Variants in ACOX3 observed in about 807,000 individuals in gnomAD.
ACOX3 encodes the protein peroxisomal acyl-coenzyme A oxidase 3.
Under a neutral mutation model 81.5 loss-of-function variants are expected in ACOX3, and 73 were observed. That is an observed-to-expected ratio of 0.90 (90% CI 0.74 to 1.09). The LOEUF is 1.09. Ranked by LOEUF, ACOX3 falls within the 50% of genes least tolerant of loss-of-function variation. ACOX3 has a pLI of 0.00. For synonymous variants in ACOX3, 387 were observed against 375.1 expected (o/e 1.03, Z -0.37); for missense variants, 947 against 928.0 (o/e 1.02, Z -0.27).
intron 13 of ACOX3, among the ~76,000 whole-genome samples, chr4:8,388,141 C>T (rs939446950): frequency 3.3e-5 from 5 of 152,134 alleles, no homozygotes; most frequent in Non-Finnish European, 5.9e-5. Flanking sequence ...ACCCGTCCAT[C>T]GGGGGTCCCC....
In ACOX3 at chr4:8,430,158, T is replaced by C. The variant is rs774704635; in HGVS notation, c.-15+10490A>G. Among the ~76,000 whole-genome samples the C allele has an allele frequency of 2.0e-5, 3 of 152,272 alleles. No homozygotes were observed. Among genetic ancestry groups the C allele is most frequent in the African/African-American group, 7.2e-5 (3 of 41,476 alleles). ...CCTTGATTCCATGGCAACATTTTTC[T>C]TCACAGTTATTACTGTTATTTAAAC... is the stretch of plus-strand genomic sequence containing the variant. On this transcript the variant is annotated intron_variant, in intron 1 of 17. Transcript: ENST00000356406. The surrounding 1 kb of genome is among the most constrained non-coding windows in gnomAD (Gnocchi z 5.2).
At chr4:8,413,024 G>T (rs1721903994) in intron 5 of ACOX3, among the ~76,000 whole-genome samples, 1 of 142,938 alleles carries the variant, frequency 7.0e-6, no homozygotes, top group Non-Finnish European at 1.5e-5. Flanking sequence ...CCACAGCACT[G>T]ACAGCCCCAG....
chr4:8,399,439 A>G lies in ACOX3; in HGVS notation c.873+117T>C, dbSNP rs575063886. The G allele has an allele frequency of 5.5e-5, 47 of 857,618 alleles. No individual in the cohort carries two copies. The South Asian group carries it at 7.5e-4, about 14-fold the overall frequency. The allele number at this position is 857,618 out of a possible 1,614,324, so 53.1% of individuals were successfully genotyped here. A position where few individuals can be genotyped will look rare whatever the true frequency, so the allele number is the denominator to read the frequency against. On this transcript the variant is annotated intron_variant, in intron 8 of 17. Coordinates refer to ENST00000356406, the MANE Select transcript of ACOX3 (RefSeq NM_003501.3). The surrounding 1 kb of genome is among the most constrained non-coding windows in gnomAD (Gnocchi z 4.9). ...GAGCCAGGAGAAGTATGCCCCAGCG[A>G]CACCTGGCCTACGTGGAGGGGTCTC...
rs761997445 is a variant in ACOX3, at chr4:8,415,802, G to C, written c.342C>G (p.Asp114Glu). The C allele has an allele frequency of 1.2e-6, 2 of 1,614,122 alleles. No homozygotes were observed. Among genetic ancestry groups the C allele is most frequent in the Non-Finnish European group, 1.7e-6 (2 of 1,180,022 alleles). Reference protein sequence around the residue: ...PALIQCLGMYDSSLAAKYLLH... With the variant: ...PALIQCLGMYESSLAAKYLLH... ...GGAGGTACTTGGCAGCCAGAGAAGA[G>C]TCATACATGCCCAGGCACTGAATCA... Residue 114 changes from aspartate (D) to glutamate (E), a missense_variant, in exon 3 of 18, where the codon GAC becomes GAG. Asp to Glu is a conservative substitution (Grantham distance 45). Coordinates refer to ENST00000356406, the MANE Select transcript of ACOX3 (RefSeq NM_003501.3).
intron 1 of ACOX3, among the ~76,000 whole-genome samples, chr4:8,421,791 T>C (rs1722976233): frequency 6.6e-6 from 1 of 152,186 alleles, no homozygotes; most frequent in South Asian, 2.1e-4. Context: ...TGGGAAGTTA[T>C]GTGGGACCTA....
chr4:8,379,618 C>G (rs57209413), intron 14 of ACOX3, among the ~76,000 whole-genome samples: 7,476 of 152,138 alleles, frequency 0.049, 591 homozygotes, highest in African/African-American at 0.17. Flanking sequence ...GTTGTGGGGT[C>G]ACACATGCCA....
intron 1 of ACOX3, among the ~76,000 whole-genome samples, chr4:8,427,099 CT>C (rs1723563605): frequency 6.6e-6 from 1 of 152,180 alleles, no homozygotes; most frequent in Non-Finnish European, 1.5e-5. Flanking sequence ...CCACACCCAC[CT>C]TTAAACATGG....
Position 8,373,864 on chromosome 4 carries a change from G to A in ACOX3, c.1829-236C>T, listed in dbSNP as rs942986926. ...TTGATGGTCTCTGGCCCGCGGCAGC[G>A]AGGGAGGCAAGGTCCCAGGCTCAGA... On this transcript the variant is annotated intron_variant, in intron 15 of 17. Coordinates refer to ENST00000356406, the MANE Select transcript of ACOX3 (RefSeq NM_003501.3). The A allele has an allele frequency of 2.6e-5, 15 of 575,678 alleles. No individual in the cohort carries two copies. The East Asian group carries it at 2.6e-4, about 10-fold the overall frequency. The allele number at this position is 575,678 out of a possible 1,614,324, so 35.7% of individuals were successfully genotyped here.
At chr4:8,421,532 TG>T (rs1282876275) in intron 1 of ACOX3, among the ~76,000 whole-genome samples, 2 of 152,246 alleles carry the variant, frequency 1.3e-5, no homozygotes, top group Non-Finnish European at 2.9e-5. Flanking sequence ...CCATACCTCC[TG>T]GGTCCTAACC....
Position 8,392,362 on chromosome 4 carries a change from T to G in ACOX3, c.1271A>C (p.Glu424Ala), listed in dbSNP as rs1225942711. 1.2e-6 allele frequency: 2 copies of G among 1,605,876 alleles called. No individual in the cohort carries two copies. Among genetic ancestry groups the G allele is most frequent in the Non-Finnish European group, 1.7e-6 (2 of 1,177,108 alleles). The change falls in exon 11 of 18, where the codon GAG (glutamate) becomes GCG (alanine). Residue 424 changes from glutamate (E) to alanine (A), a missense_variant. Transcript: ENST00000356406. ...TTQQGIQECR[E>A]ACGGHGYLAM... is the part of the protein sequence containing the mutation. The stretch of plus-strand genomic sequence containing the variant: ...CAGATAGCCGTGTCCTCCACACGCC[T>G]CCCGGCATTCCTGAATTCCTTGCTG...
At position 8,437,726 on chromosome 4, in the gene ACOX3, G is replaced by C. The variant is rs920279053; in HGVS notation, c.-15+2922C>G. The stretch of plus-strand genomic sequence containing the variant: ...TGAGATGAAAAAAGAAAGGACACTA[G>C]AAGGGTGAATGTTCAGAAGGCAATA... On this transcript the variant is annotated intron_variant, in intron 1 of 17. Transcript: ENST00000356406. This position sits in a 1 kb window ranked among gnomAD's most constrained non-coding sequence, Gnocchi z 5.2. Among the ~76,000 whole-genome samples, 1 of 152,252 alleles carries C rather than the reference G, an allele frequency of 6.6e-6. No homozygotes were observed. The highest frequency in any genetic ancestry group is 1.9e-4 in the East Asian group (1 of 5,190).
intron 5 of ACOX3, 28 bp from the exon 6 acceptor site, chr4:8,410,383 A>C: frequency 6.2e-7 from 1 of 1,609,766 alleles, no homozygotes; most frequent in Non-Finnish European, 8.5e-7. Flanking sequence ...TAGGTTAGTT[A>C]TAATTAGCAA....
intron 14 of ACOX3, among the ~76,000 whole-genome samples, chr4:8,379,114 C>A (rs781420178): frequency 1.3e-5 from 2 of 152,208 alleles, no homozygotes; most frequent in African/African-American, 2.4e-5. Context: ...GTGTGTCTTC[C>A]GATTTTGTTT....
rs1720105550 is a variant in ACOX3, at chr4:8,399,450, A to G, written c.873+106T>C. 1.0e-6 allele frequency: 1 copy of G among 975,782 alleles called. No individual in the cohort carries two copies. The highest frequency in any genetic ancestry group is 1.6e-6 in the Non-Finnish European group (1 of 636,412). 60.4% of individuals were successfully genotyped at this position (975,782 alleles called of 1,614,324 possible). Reference sequence around the variant, plus strand: ...AGTATGCCCCAGCGACACCTGGCCTACGTGGAGGGGTCTCCTTTCCAGGTG... The same window carrying G: ...AGTATGCCCCAGCGACACCTGGCCTGCGTGGAGGGGTCTCCTTTCCAGGTG... On this transcript the variant is annotated intron_variant, in intron 8 of 17. Transcript: ENST00000356406. The surrounding 1 kb of genome is among the most constrained non-coding windows in gnomAD (Gnocchi z 4.9).
rs1226748657 is a variant in ACOX3, at chr4:8,386,700, C to T, written c.1537+2473G>A. Among the ~76,000 whole-genome samples the T allele has an allele frequency of 3.3e-5, 5 of 152,176 alleles. No homozygotes were observed. The highest frequency in any genetic ancestry group is 4.8e-5 in the African/African-American group (2 of 41,442). Reference sequence around the variant, plus strand: ...GTTACCGTCAGAAGCTGTAACCCAGCGCAGTGACCACGAGAAAGCAAGCAG... The same window carrying T: ...GTTACCGTCAGAAGCTGTAACCCAGTGCAGTGACCACGAGAAAGCAAGCAG... On this transcript the variant is annotated intron_variant, in intron 13 of 17. Coordinates refer to ENST00000356406, the MANE Select transcript of ACOX3 (RefSeq NM_003501.3). This position sits in a 1 kb window ranked among gnomAD's most constrained non-coding sequence, Gnocchi z 5.2.
At chr4:8,387,370 C>T (rs1055261795) in intron 13 of ACOX3, among the ~76,000 whole-genome samples, 1 of 152,170 alleles carries the variant, frequency 6.6e-6, no homozygotes, top group Non-Finnish European at 1.5e-5. Flanking sequence ...CGGGAGCTGA[C>T]GTCTCTCTCA....
At chr4:8,401,990 C>T (rs2108911787) in intron 7 of ACOX3, among the ~76,000 whole-genome samples, 1 of 152,310 alleles carries the variant, frequency 6.6e-6, no homozygotes, top group East Asian at 1.9e-4. Flanking sequence ...TCCCGGGGCT[C>T]ACCCCCCTCC....
Position 8,384,765 on chromosome 4 carries a change from T to G in ACOX3, c.1538-3158A>C, listed in dbSNP as rs1435907843. Among the ~76,000 whole-genome samples the G allele has an allele frequency of 6.6e-6, 1 of 152,150 alleles. No individual in the cohort carries two copies. The highest frequency in any genetic ancestry group is 1.5e-5 in the Non-Finnish European group (1 of 68,020). On this transcript the variant is annotated intron_variant, in intron 13 of 17. Coordinates refer to ENST00000356406, the MANE Select transcript of ACOX3 (RefSeq NM_003501.3). This position sits in a 1 kb window ranked among gnomAD's most constrained non-coding sequence, Gnocchi z 5.3. ...GCATCAGAGCACTCCTAACTCGGAT[T>G]CTGACCCAGGCAAGCCCTGGAAAGC...
At chr4:8,387,887 C>T (rs777518331) in intron 13 of ACOX3, among the ~76,000 whole-genome samples, 6 of 152,216 alleles carry the variant, frequency 3.9e-5, no homozygotes, top group Non-Finnish European at 7.3e-5. Context: ...TGTGTGGGGG[C>T]GCAGGGCAGA....
Sources: gnomAD v4.1 joint callset for allele counts (sites outside exome capture counted in the v4.1 genomes callset) on GRCh38, gnomAD v4.1.1 for gene constraint, Gnocchi (gnomAD v3.1) non-coding constraint, MANE v1.5 for transcripts, NCBI Gene and HGNC (gene_info 2026-07-23, HGNC 2026-07-21) for gene names.